BCL2: variants seen among roughly 807,000 people sequenced by gnomAD.
The protein encoded by BCL2 is apoptosis regulator Bcl-2.
Under a neutral mutation model 14.2 loss-of-function variants are expected in BCL2, and 1 was observed. That is an observed-to-expected ratio of 0.07 (90% confidence interval 0.02 to 0.33). The LOEUF is 0.33. BCL2 is among the 10% of genes least tolerant of loss of function. BCL2 has a pLI of 0.99. For synonymous variants in BCL2, 151 were observed against 137.2 expected, an observed-to-expected ratio of 1.10 and a Z score of -0.70; for missense variants, 247 against 305.9, an observed-to-expected ratio of 0.81 and a Z score of 1.44.
chr18:63,309,679 T>C (rs1185871599), intron 2 of BCL2, among the ~76,000 whole-genome samples: 1 of 152,080 alleles, frequency 6.6e-6, no homozygotes. Flanking sequence ...CTGAGAACCT[T>C]TGCAACATCC....
At chr18:63,235,090 C>T (rs1198396138) in intron 2 of BCL2, among the ~76,000 whole-genome samples, 1 of 152,176 alleles carries the variant, frequency 6.6e-6, no homozygotes, top group African/African-American at 2.4e-5. Context: ...CTCAACCTCA[C>T]TGGTAATCAG....
intron 2 of BCL2, among the ~76,000 whole-genome samples, chr18:63,160,213 C>A (rs535646246): frequency 6.6e-6 from 1 of 152,262 alleles, no homozygotes; most frequent in Non-Finnish European, 1.5e-5. Flanking sequence ...AATCATTAAT[C>A]ATCTACTACA....
intron 2 of BCL2, among the ~76,000 whole-genome samples, chr18:63,247,539 C>T (rs1911186261): frequency 6.6e-6 from 1 of 152,140 alleles, no homozygotes. Context: ...GCAAGTCAAC[C>T]TGCAAAGAAT....
chr18:63,166,407 G>A lies in BCL2; in HGVS notation c.586-37648C>T, dbSNP rs75953129. Reference sequence around the variant, plus strand: ...GGCGTCCCTGGACCCTGGACAGCACGCATATCCTGACTGGGGAACGAGGTA... The same window carrying A: ...GGCGTCCCTGGACCCTGGACAGCACACATATCCTGACTGGGGAACGAGGTA... On this transcript the variant is annotated intron_variant, in intron 2 of 2. Transcript: ENST00000333681. Among the ~76,000 whole-genome samples, 1,188 of 152,282 alleles carry A rather than the reference G, an allele frequency of 7.8e-3. 20 individuals carry two copies. The highest frequency in any genetic ancestry group is 0.027 in the African/African-American group (1,138 of 41,554).
Position 63,128,726 on chromosome 18 carries a change from G to A in BCL2, c.619C>T (p.Arg207Trp), listed in dbSNP as rs748122615. Residue 207 changes from arginine to tryptophan, a missense_variant, in exon 3 of 3, where the codon CGG becomes TGG. By Grantham distance (101) the Arg-to-Trp change is moderately radical. Around this residue, in one of 3 missense-constraint regions of BCL2, gnomAD observed 36 missense variants for 24.9 expected, o/e 1.45. Transcript: ENST00000333681. ...AFVELYGPSM[R>W]PLFDFSWLSL... Reference sequence around the variant, plus strand: ...AGCCAGGAGAAATCAAACAGAGGCCGCATGCTGGGGCCGTACAGTTCCACA... The same window carrying A: ...AGCCAGGAGAAATCAAACAGAGGCCACATGCTGGGGCCGTACAGTTCCACA... 2.2e-5 allele frequency: 17 copies of A among 780,666 alleles called. No individual in the cohort carries two copies. Among genetic ancestry groups the A allele is most frequent in the East Asian group, 9.7e-5 (4 of 41,258 alleles). 48.4% of individuals were successfully genotyped at this position (780,666 alleles called of 1,614,324 possible). A position where few individuals can be genotyped will look rare whatever the true frequency, so the allele number is the denominator to read the frequency against.
intron 2 of BCL2, chr18:63,207,597 GGAGCACCAGAGGT>G (rs1909874776): frequency 1.3e-5 from 2 of 152,216 alleles, no homozygotes; most frequent in African/African-American, 2.4e-5. Context: ...AGACTGCCTG[GGAGCACCAGAGGT>G]CTGGGTGGGG....
intron 2 of BCL2, among the ~76,000 whole-genome samples, chr18:63,156,300 T>C (rs993198391): frequency 4.6e-5 from 7 of 152,184 alleles, no homozygotes; most frequent in Non-Finnish European, 8.8e-5. Flanking sequence ...AAACTATTAG[T>C]AGGCTTTAGA....
intron 2 of BCL2, among the ~76,000 whole-genome samples, chr18:63,139,590 T>C (rs1322785263): frequency 6.6e-6 from 1 of 152,238 alleles, no homozygotes; most frequent in Non-Finnish European, 1.5e-5. Context: ...TGCCCAGCAG[T>C]GGCCTTGCCA....
intron 2 of BCL2, chr18:63,302,815 C>T: frequency 1.0e-6 from 1 of 985,314 alleles, no homozygotes; most frequent in Non-Finnish European, 1.2e-6. Context: ...CATGCTGAAA[C>T]TCCCTTAGCC....
intron 2 of BCL2, among the ~76,000 whole-genome samples, chr18:63,288,139 G>T (rs908994376): frequency 6.6e-6 from 1 of 152,140 alleles, no homozygotes; most frequent in Admixed American, 6.5e-5. Flanking sequence ...TTTTGGCATT[G>T]AGTGCAATAT....
chr18:63,174,029 A>T (rs762262799), intron 2 of BCL2, among the ~76,000 whole-genome samples: 1 of 152,296 alleles, frequency 6.6e-6, no homozygotes, highest in Non-Finnish European at 1.5e-5. Flanking sequence ...TGTGTTTGTG[A>T]ATTTTTCTGG....
intron 2 of BCL2, among the ~76,000 whole-genome samples, chr18:63,133,921 G>A (rs955096275): frequency 6.6e-6 from 1 of 152,136 alleles, no homozygotes; most frequent in African/African-American, 2.4e-5. Context: ...CTGACAGCGC[G>A]TCCACATGAT....
chr18:63,193,822 T>C (rs1030923001), intron 2 of BCL2, among the ~76,000 whole-genome samples: 2 of 152,110 alleles, frequency 1.3e-5, no homozygotes, highest in Admixed American at 6.5e-5. Context: ...TCTAGCATGG[T>C]ATTGAAAAGA....
At chr18:63,139,077 A>C (rs1221617178) in intron 2 of BCL2, among the ~76,000 whole-genome samples, 1 of 152,200 alleles carries the variant, frequency 6.6e-6, no homozygotes, top group African/African-American at 2.4e-5. Flanking sequence ...ACCTCAGAGG[A>C]TTCCTTAGTC....
chr18:63,301,023 T>C (rs1349125769), intron 2 of BCL2, among the ~76,000 whole-genome samples: 1 of 152,250 alleles, frequency 6.6e-6, no homozygotes, highest in African/African-American at 2.4e-5. Flanking sequence ...TATGGAATAT[T>C]ATTCAGCCTT....
At chr18:63,168,938 G>A (rs887762245) in intron 2 of BCL2, among the ~76,000 whole-genome samples, 2 of 152,200 alleles carry the variant, frequency 1.3e-5, no homozygotes, top group Non-Finnish European at 2.9e-5. Flanking sequence ...GATTGAACAC[G>A]CTCAGCGGTC....
At chr18:63,296,967 C>T (rs368348431) in intron 2 of BCL2, among the ~76,000 whole-genome samples, 1 of 152,154 alleles carries the variant, frequency 6.6e-6, no homozygotes, top group Admixed American at 6.5e-5. Flanking sequence ...AATCCCAGCA[C>T]TTTGGGAGGC....
chr18:63,292,219 G>C (rs1178076325), intron 2 of BCL2, among the ~76,000 whole-genome samples: 33 of 132,536 alleles, frequency 2.5e-4, no homozygotes, highest in Non-Finnish European at 3.5e-4. Flanking sequence ...GCCAACCCCA[G>C]TGCAAAAAAA....
chr18:63,176,915 CTTTTCT>C (rs1915363155), intron 2 of BCL2, among the ~76,000 whole-genome samples: 2 of 136,800 alleles, frequency 1.5e-5, no homozygotes, highest in African/African-American at 6.4e-5. Context: ...TGTTTTTCTT[CTTTTCT>C]TTTTTTTTTT....
Sources: gnomAD v4.1 joint callset for allele counts (sites outside exome capture counted in the v4.1 genomes callset) on GRCh38, gnomAD v4.1.1 for gene constraint, gnomAD v4.1.1 regional missense constraint, MANE v1.5 for transcripts, NCBI Gene and HGNC (gene_info 2026-07-23, HGNC 2026-07-21) for gene names.